DDX42: variants seen among roughly 807,000 people sequenced by gnomAD.
DDX42 encodes the protein ATP-dependent RNA helicase DDX42.
In DDX42, 22 loss-of-function variants were observed where a neutral mutation model predicts 101.5. The observed-to-expected ratio is 0.22, with a 90% confidence interval of 0.15 to 0.31. The LOEUF is 0.31. Ranked by LOEUF, DDX42 falls within the 10% of genes least tolerant of loss-of-function variation. The pLI, the probability that DDX42 is intolerant of heterozygous loss-of-function variation, is 1.00. For missense variants in DDX42, 849 were observed against 1,199.9 expected (o/e 0.71, Z 4.32); for synonymous variants, 402 against 401.2 (o/e 1.00, Z -0.02).
At chr17:63,793,159 A>G (rs2039649586) in intron 3 of DDX42, among the ~76,000 whole-genome samples, 1 of 152,118 alleles carries the variant, frequency 6.6e-6, no homozygotes, top group Non-Finnish European at 1.5e-5. Context: ...ATGAACCTTC[A>G]TGTACCTTTA....
intron 1 of DDX42, among the ~76,000 whole-genome samples, chr17:63,779,774 G>C (rs1055406697): frequency 6.6e-6 from 1 of 151,342 alleles, no homozygotes; most frequent in African/African-American, 2.4e-5. Flanking sequence ...TGTAGAGATG[G>C]GGTCTCGCTG....
intron 1 of DDX42, among the ~76,000 whole-genome samples, chr17:63,776,603 G>T (rs999072933): frequency 6.6e-6 from 1 of 150,942 alleles, no homozygotes; most frequent in Non-Finnish European, 1.5e-5. Flanking sequence ...AATTTTTCAC[G>T]CCAACTCTTG....
intron 16 of DDX42, 164 bp downstream of exon 16, chr17:63,815,837 T>G: frequency 2.5e-6 from 1 of 394,808 alleles, no homozygotes; most frequent in South Asian, 5.5e-5. Context: ...CTCATTCTTA[T>G]GGTAACTTTC....
intron 6 of DDX42, among the ~76,000 whole-genome samples, chr17:63,800,880 CT>C (rs1234834544): frequency 1.3e-5 from 2 of 151,398 alleles, no homozygotes; most frequent in African/African-American, 4.9e-5. Context: ...ACCAATATTT[CT>C]TTCTTTTCTT....
Position 63,805,155 on chromosome 17 carries a change from C to T in DDX42, c.706C>T (p.Arg236Trp), listed in dbSNP as rs771647604. The change falls in exon 7 of 18, where the codon CGG (arginine) becomes TGG (tryptophan). Residue 236 changes from arginine (R) to tryptophan (W), a missense_variant. This residue lies in a region of DDX42 where 370 missense variants were observed against 608.8 expected (regional missense o/e 0.61). Coordinates refer to ENST00000389924, the MANE Select transcript of DDX42 (RefSeq NM_203499.3). ...CACTCCACAGCAGTTAATAGATCTC[C>T]GGCATAAGCTCAATCTTCGGGTAAG... ...NLTPQQLIDL[R>W]HKLNLRVSGA... The T allele has an allele frequency of 5.0e-6, 8 of 1,612,634 alleles. No homozygotes were observed. Among genetic ancestry groups the T allele is most frequent in the East Asian group, 2.2e-5 (1 of 44,822 alleles).
chr17:63,815,339 A>G (rs2039963905), intron 15 of DDX42, among the ~76,000 whole-genome samples: 1 of 152,210 alleles, frequency 6.6e-6, no homozygotes, highest in Non-Finnish European at 1.5e-5. Context: ...GGAGCACTGT[A>G]GGAAGCCTTA....
At chr17:63,810,412 T>C in intron 11 of DDX42, 101 bp from the exon 12 acceptor site, 1 of 1,281,506 alleles carries the variant, frequency 7.8e-7, no homozygotes, top group African/African-American at 1.5e-5. Context: ...ATTTTCTTAA[T>C]TCTTACAACT....
In DDX42 at chr17:63,817,004, G is replaced by A. The variant is rs143142383; in HGVS notation, c.2112+38G>A. ...CATTTCATTAAAAGCACTTTCAGCA[G>A]TAACTCTTGGGCAGTGACAGAGGGG... On this transcript the variant is annotated intron_variant, in intron 17 of 17. Transcript: ENST00000389924. 4,371 of 1,578,324 alleles carry A rather than the reference G, an allele frequency of 2.8e-3. 10 individuals carry two copies. The highest frequency in any genetic ancestry group is 3.5e-3 in the Non-Finnish European group (4,075 of 1,151,498).
At chr17:63,778,671 C>T (rs1046743170) in intron 1 of DDX42, among the ~76,000 whole-genome samples, 10 of 151,746 alleles carry the variant, frequency 6.6e-5, no homozygotes, top group Non-Finnish European at 8.8e-5. Context: ...GACAGCATCT[C>T]GCTCTGTTAT....
chr17:63,778,775 G>C (rs1167763845), intron 1 of DDX42, among the ~76,000 whole-genome samples: 1 of 152,080 alleles, frequency 6.6e-6, no homozygotes, highest in African/African-American at 2.4e-5. Context: ...TAAGTAGCTG[G>C]AACTATGGGT....
In DDX42 at chr17:63,819,188, A is replaced by T. The variant is rs1231615816; in HGVS notation, c.*790A>T. The T allele has an allele frequency of 6.6e-6, 1 of 152,484 alleles. No individual in the cohort carries two copies. Among genetic ancestry groups the T allele is most frequent in the African/African-American group, 2.4e-5 (1 of 41,396 alleles). 9.4% of individuals were successfully genotyped at this position (152,484 alleles called of 1,614,324 possible). A position where few individuals can be genotyped will look rare whatever the true frequency, so the allele number is the denominator to read the frequency against. ...AAAGTCTTTTGCTGAAATGATTTTG[A>T]TGATTTTTGTTTATCGTTTATAAAA... On this transcript the variant is annotated 3_prime_UTR_variant, in exon 18 of 18. Transcript: ENST00000389924.
At position 63,818,502 on chromosome 17, in the gene DDX42, C is replaced by T. The variant is rs1343352521; in HGVS notation, c.*104C>T. On this transcript the variant is annotated 3_prime_UTR_variant, in exon 18 of 18. Transcript: ENST00000389924. ...TTGGGGTCCAAAGTGTAAGGACCCC[C>T]TGCCCTTAGTGGAGAGCTGGAGCTT... is the stretch of plus-strand genomic sequence containing the variant. 6.6e-6 allele frequency: 7 copies of T among 1,054,910 alleles called. No homozygotes were observed. The highest frequency in any genetic ancestry group is 9.4e-6 in the Non-Finnish European group (7 of 746,100). 65.3% of individuals were successfully genotyped at this position (1,054,910 alleles called of 1,614,324 possible).
intron 1 of DDX42, among the ~76,000 whole-genome samples, chr17:63,781,772 A>G (rs1316017704): frequency 6.6e-6 from 1 of 151,862 alleles, no homozygotes; most frequent in African/African-American, 2.4e-5. Context: ...GCACTTTGGG[A>G]GGCCGAGGCA....
chr17:63,791,650 C>T (rs1022474406), intron 2 of DDX42, among the ~76,000 whole-genome samples: 5 of 152,028 alleles, frequency 3.3e-5, no homozygotes, highest in Non-Finnish European at 2.9e-5. Context: ...TCTGTTGGTC[C>T]CCAGAAAATA....
intron 2 of DDX42, among the ~76,000 whole-genome samples, chr17:63,790,929 TCAAAAA>T (rs1412817915): frequency 1.3e-5 from 2 of 152,166 alleles, no homozygotes; most frequent in African/African-American, 2.4e-5. Flanking sequence ...CGAGGCTGTC[TCAAAAA>T]CAAAAAAGCA....
At chr17:63,776,234 A>G (rs2039419584) in intron 1 of DDX42, 2 of 152,252 alleles carry the variant, frequency 1.3e-5, no homozygotes, top group Non-Finnish European at 1.5e-5. Context: ...GAAAACACAA[A>G]CTAGCTAAAT....
At position 63,818,038 on chromosome 17, in the gene DDX42, C is replaced by T. The variant is rs115010979; in HGVS notation, c.2457C>T (p.His819=). 127 of 1,613,970 alleles carry T rather than the reference C, an allele frequency of 7.9e-5. No homozygotes were observed. The African/African-American group carries it at 1.5e-3, about 19-fold the overall frequency. ...CTGAGAACCGGGGCAGCAGCCGTCA[C>T]AGTCACGGAGAGACTGGCAATCGGC... ...RYTENRGSSR[H]SHGETGNRHS... The change falls in exon 18 of 18, where the codon CAC becomes CAT. Residue 819 remains histidine, a synonymous_variant. Coordinates refer to ENST00000389924, the MANE Select transcript of DDX42 (RefSeq NM_203499.3).
chr17:63,779,131 A>G (rs920470550), intron 1 of DDX42, among the ~76,000 whole-genome samples: 16 of 152,150 alleles, frequency 1.1e-4, no homozygotes, highest in Admixed American at 9.2e-4. Flanking sequence ...ATTCTTTTCA[A>G]ATTAGGTATT....
At chr17:63,806,485 C>T (rs2039842065) in intron 7 of DDX42, 50 bp from the exon 8 acceptor site, 1 of 1,551,648 alleles carries the variant, frequency 6.4e-7, no homozygotes, top group South Asian at 1.2e-5. Context: ...ACTTCAAATG[C>T]TGTTAATGTT....
Sources: allele counts gnomAD v4.1 joint callset (sites outside exome capture counted in the v4.1 genomes callset), GRCh38; gene constraint gnomAD v4.1.1; regional missense constraint gnomAD v4.1.1; transcripts MANE v1.5; gene names NCBI Gene and HGNC (gene_info 2026-07-23, HGNC 2026-07-21).